The following CCBE1 variants were observed in gnomAD, a reference collection of about 807,000 sequenced individuals.
CCBE1 encodes collagen and calcium binding EGF domains 1.
A neutral mutation model predicts 50.0 loss-of-function variants in CCBE1; 37 were observed. The observed-to-expected ratio is 0.74, with a 90% CI of 0.57 to 0.97. The LOEUF (loss-of-function observed/expected upper bound fraction) is 0.97, where lower values mean the gene tolerates loss of function less well. Ranked by LOEUF, CCBE1 falls within the 50% of genes least tolerant of loss-of-function variation. The pLI is 0.00. For missense variants in CCBE1, 538 were observed against 523.8 expected, an observed-to-expected ratio of 1.03 and a Z score of -0.26; for synonymous variants, 234 against 203.7, an observed-to-expected ratio of 1.15 and a Z score of -1.27.
In CCBE1 at chr18:59,432,846, A is replaced by G. The variant is rs1334071375; in HGVS notation, c.*3062T>C. ...ATGAGCATTTCACAATAAAGATCAT[A>G]TTTCTAAATACAGTTCACTGTCAAA... On this transcript the variant is annotated 3_prime_UTR_variant, in exon 11 of 11. Coordinates refer to ENST00000439986, the MANE Select transcript of CCBE1 (RefSeq NM_133459.4). 6.6e-6 allele frequency: 1 copy of G among 152,190 alleles called. No homozygotes were observed. Among genetic ancestry groups the G allele is most frequent in the African/African-American group, 2.4e-5 (1 of 41,438 alleles). The allele number at this position is 152,190 out of a possible 1,614,324, so 9.4% of individuals were successfully genotyped here. A position where few individuals can be genotyped will look rare whatever the true frequency, so the allele number is the denominator to read the frequency against.
intron 2 of CCBE1, among the ~76,000 whole-genome samples, chr18:59,675,010 C>T (rs990047341): frequency 6.6e-6 from 1 of 152,162 alleles, no homozygotes; most frequent in Non-Finnish European, 1.5e-5. Context: ...ATCACTGGCA[C>T]TCTCCTGTAA....
chr18:59,671,821 A>AAGGG (rs1555706970), intron 2 of CCBE1, among the ~76,000 whole-genome samples: 15 of 139,952 alleles, frequency 1.1e-4, no homozygotes, highest in African/African-American at 2.9e-4. Flanking sequence ...TTAAAAAAAA[A>AAGGG]GGGGGGGGGT....
At chr18:59,578,154 C>T (rs764247911) in intron 2 of CCBE1, among the ~76,000 whole-genome samples, 58 of 152,148 alleles carry the variant, frequency 3.8e-4, no homozygotes, top group Non-Finnish European at 5.0e-4. Context: ...TATGAACAGA[C>T]ACTTCTTAAA....
At chr18:59,670,906 C>A (rs954576610) in intron 2 of CCBE1, among the ~76,000 whole-genome samples, 2 of 152,154 alleles carry the variant, frequency 1.3e-5, no homozygotes, top group African/African-American at 4.8e-5. Flanking sequence ...CTAGATCACA[C>A]CGCTGCACTC....
chr18:59,599,765 G>A (rs1413656887), intron 2 of CCBE1, among the ~76,000 whole-genome samples: 1 of 152,162 alleles, frequency 6.6e-6, no homozygotes, highest in Non-Finnish European at 1.5e-5. Flanking sequence ...AACACACATA[G>A]CTGGGGGTCT....
rs139541735 is a variant in CCBE1 at position 59,592,122 on chromosome 18, G to T, written c.212+104507C>A. ...ACCTGTAGTTCCAGCTACTCAAGAG[G>T]CTTAGGCAGGAGGACCACTTGAGCC... On this transcript the variant is annotated intron_variant, in intron 2 of 10. Transcript: ENST00000439986. 3.9e-3 allele frequency among the ~76,000 whole-genome samples: 595 copies of T among 152,226 alleles called. 3 individuals carry two copies. The highest frequency in any genetic ancestry group is 0.014 in the African/African-American group (563 of 41,526).
chr18:59,591,481 A>G (rs1273327400), intron 2 of CCBE1, among the ~76,000 whole-genome samples: 1 of 152,230 alleles, frequency 6.6e-6, no homozygotes, highest in Non-Finnish European at 1.5e-5. Flanking sequence ...AATTACATAT[A>G]TCACATATAC....
chr18:59,654,779 A>G lies in CCBE1; in HGVS notation c.212+41850T>C, dbSNP rs12607715. On this transcript the variant is annotated intron_variant, in intron 2 of 10. Coordinates refer to ENST00000439986, the MANE Select transcript of CCBE1 (RefSeq NM_133459.4). ...TGCGCTCCAGCCTGGTGACAGAGTG[A>G]GACTCCGTCTCCAAAAAAAAAAAAA... is the stretch of plus-strand genomic sequence containing the variant. 1.5e-3 allele frequency among the ~76,000 whole-genome samples: 203 copies of G among 133,300 alleles called. 2 individuals carry two copies. The South Asian group carries it at 0.029, about 19-fold the overall frequency. The allele number at this position is 133,300 out of a possible 152,430, so 87.4% of individuals were successfully genotyped here.
At chr18:59,455,885 G>A (rs1171167008) in intron 5 of CCBE1, among the ~76,000 whole-genome samples, 1 of 152,244 alleles carries the variant, frequency 6.6e-6, no homozygotes, top group Admixed American at 6.5e-5. Context: ...CTTTGGCGTT[G>A]GGCCAGGTTT....
Position 59,617,082 on chromosome 18 carries a change from G to A in CCBE1, c.212+79547C>T, listed in dbSNP as rs920323212. Among the ~76,000 whole-genome samples the A allele has an allele frequency of 2.6e-5, 4 of 152,150 alleles. No homozygotes were observed. The East Asian group carries it at 7.7e-4, about 29-fold the overall frequency. ...GATTTAGTAGTCACATAGCTTCCCA[G>A]GTTATTCAGATAAACAGCCAAAGTA... is the stretch of plus-strand genomic sequence containing the variant. On this transcript the variant is annotated intron_variant, in intron 2 of 10. Transcript: ENST00000439986.
intron 2 of CCBE1, among the ~76,000 whole-genome samples, chr18:59,593,610 A>T (rs2053306200): frequency 6.6e-6 from 1 of 152,210 alleles, no homozygotes; most frequent in African/African-American, 2.4e-5. Flanking sequence ...TTCTTACATA[A>T]GAGCTGAAAT....
In CCBE1 at chr18:59,677,698, T is replaced by A. The variant is rs547973433; in HGVS notation, c.212+18931A>T. 3.1e-3 allele frequency among the ~76,000 whole-genome samples: 464 copies of A among 148,194 alleles called. 4 individuals carry two copies. Among genetic ancestry groups the A allele is most frequent in the Non-Finnish European group, 5.2e-3 (349 of 66,978 alleles). ...GAGTCTTTTTAAAAGATTATCTCTT[T>A]AAAAAAAAAAAATTCCCCAGGATGA... is the stretch of plus-strand genomic sequence containing the variant. On this transcript the variant is annotated intron_variant, in intron 2 of 10. Transcript: ENST00000439986.
At chr18:59,652,781 G>A (rs143011659) in intron 2 of CCBE1, among the ~76,000 whole-genome samples, 3,404 of 152,246 alleles carry the variant, frequency 0.022, 144 homozygotes, top group African/African-American at 0.077. Flanking sequence ...TGGCTAACAC[G>A]GTGAAACCCC....
intron 2 of CCBE1, among the ~76,000 whole-genome samples, chr18:59,583,785 C>G (rs1198199988): frequency 6.6e-6 from 1 of 152,034 alleles, no homozygotes; most frequent in Non-Finnish European, 1.5e-5. Context: ...TAAGGGCTGC[C>G]TTTTTATTAG....
chr18:59,552,369 C>T (rs1258622017), intron 2 of CCBE1, among the ~76,000 whole-genome samples: 1 of 152,158 alleles, frequency 6.6e-6, no homozygotes, highest in South Asian at 2.1e-4. Flanking sequence ...TAGAGTGTTT[C>T]GTCAGAGGGT....
chr18:59,487,427 A>G (rs752735331), intron 2 of CCBE1, among the ~76,000 whole-genome samples: 3 of 152,068 alleles, frequency 2.0e-5, no homozygotes, highest in African/African-American at 4.8e-5. Context: ...TGAGCTTTGC[A>G]TGACTTTGTG....
chr18:59,457,733 C>A (rs1345408412), intron 5 of CCBE1, among the ~76,000 whole-genome samples: 1 of 152,158 alleles, frequency 6.6e-6, no homozygotes, highest in African/African-American at 2.4e-5. Flanking sequence ...ATGGAGTTGT[C>A]CTGAAATTAA....
chr18:59,587,016 TTAAGTTA>T (rs1210739991), intron 2 of CCBE1, among the ~76,000 whole-genome samples: 2 of 152,300 alleles, frequency 1.3e-5, no homozygotes, highest in East Asian at 3.9e-4. Context: ...AATAAAATCT[TTAAGTTA>T]TAAAAGAATA....
chr18:59,448,233 G>C, intron 6 of CCBE1, 130 bp from the exon 7 acceptor site: 1 of 1,330,372 alleles, frequency 7.5e-7, no homozygotes, highest in Non-Finnish European at 1.0e-6. Flanking sequence ...GAGCTAGTTA[G>C]AGCTCAGAGA....
Sources: allele counts gnomAD v4.1 joint callset (sites outside exome capture counted in the v4.1 genomes callset), GRCh38; gene constraint gnomAD v4.1.1; transcripts MANE v1.5; gene names NCBI Gene and HGNC (gene_info 2026-07-23, HGNC 2026-07-21).